Variants in SEPTIN6 observed in about 807,000 individuals in gnomAD.
SEPTIN6 encodes the protein septin 6.
Under a neutral mutation model 33.6 loss-of-function variants are expected in SEPTIN6, and 8 were observed. That is an observed-to-expected ratio of 0.24 (90% CI 0.14 to 0.43). SEPTIN6 has a LOEUF of 0.43. SEPTIN6 is among the 20% of genes least tolerant of loss of function. The pLI, the probability that SEPTIN6 is intolerant of heterozygous loss-of-function variation, is 1.00. For synonymous variants in SEPTIN6, 131 were observed against 140.0 expected (o/e 0.94, Z 0.45); for missense variants, 250 against 340.8 (o/e 0.73, Z 2.10).
chrX:119,673,757 G>A (rs761198907), intron 2 of SEPTIN6, among the ~76,000 whole-genome samples: 1 of 102,481 alleles, frequency 9.8e-6, no homozygotes, highest in Non-Finnish European at 2.0e-5. Flanking sequence ...CAGGAGAATC[G>A]CTTGAACCCG....
At chrX:119,616,784 CAAAG>C, downstream of SEPTIN6, 2 of 1,139,903 alleles carry the variant, frequency 1.8e-6, no homozygotes, top group Non-Finnish European at 2.4e-6. Flanking sequence ...TGAAATTAGC[CAAAG>C]AAAGAGGACA....
chrX:119,676,711 C>T (rs955102033), intron 1 of SEPTIN6, among the ~76,000 whole-genome samples: 1 of 111,326 alleles, frequency 9.0e-6, no homozygotes. Flanking sequence ...GTAGAGGCTG[C>T]AGTGCGCTAT....
Position 119,638,652 on chromosome X carries a change from C to T in SEPTIN6, c.788-1457G>A, listed in dbSNP as rs1176905829. 1.2e-4 allele frequency among the ~76,000 whole-genome samples: 13 copies of T among 111,541 alleles called. No individual in the cohort carries two copies. In the East Asian group the frequency reaches 3.4e-3, roughly 29 times the overall value. On this transcript the variant is annotated intron_variant, in intron 6 of 10. Transcript: ENST00000394610. ...GCTCACATAATCCCTCTGCTTAAGA[C>T]CCACTGAATTAGGAATAAAGCCCCC...
chrX:119,626,946 C>T (rs977426586), intron 9 of SEPTIN6, among the ~76,000 whole-genome samples: 1 of 111,769 alleles, frequency 8.9e-6, no homozygotes, highest in African/African-American at 3.3e-5. Flanking sequence ...GTCAGTTTCC[C>T]AAAGTGCTGG....
intron 1 of SEPTIN6, among the ~76,000 whole-genome samples, chrX:119,686,174 A>G (rs1024079433): frequency 5.2e-4 from 58 of 112,221 alleles, no homozygotes; most frequent in African/African-American, 1.8e-3. Context: ...TGAATGCCCA[A>G]CTGCCCTCTG....
At chrX:119,669,553 G>A (rs2054706461) in intron 2 of SEPTIN6, among the ~76,000 whole-genome samples, 1 of 112,156 alleles carries the variant, frequency 8.9e-6, no homozygotes, top group Admixed American at 9.5e-5. Context: ...AGGCAGTGGT[G>A]TGCTGGAGCC....
At chrX:119,634,954 A>G (rs1405066297) in intron 7 of SEPTIN6, among the ~76,000 whole-genome samples, 1 of 102,990 alleles carries the variant, frequency 9.7e-6, no homozygotes, top group Admixed American at 1.1e-4. Flanking sequence ...GATTGCAGTG[A>G]GCCGAGATTG....
At chrX:119,621,497 T>TGTG (rs1569417826) in intron 10 of SEPTIN6, among the ~76,000 whole-genome samples, 2 of 32,622 alleles carry the variant, frequency 6.1e-5, no homozygotes, top group African/African-American at 8.6e-5. Flanking sequence ...GTGTGTGTAT[T>TGTG]TTTATTTCTT....
At chrX:119,651,685 T>C (rs1483048156) in intron 4 of SEPTIN6, among the ~76,000 whole-genome samples, 1 of 111,143 alleles carries the variant, frequency 9.0e-6, no homozygotes, top group Non-Finnish European at 1.9e-5. Flanking sequence ...AATAAATAAA[T>C]AAATAAATAT....
At chrX:119,690,348 TACACACACACACACACACAC>T (rs1196119691) in intron 1 of SEPTIN6, among the ~76,000 whole-genome samples, 5 of 75,015 alleles carry the variant, frequency 6.7e-5, no homozygotes, top group Non-Finnish European at 9.4e-5. Flanking sequence ...TACATACACA[TACACACACACACACACACAC>T]ACACACACAC....
At chrX:119,684,021 C>A (rs1215170284) in intron 1 of SEPTIN6, among the ~76,000 whole-genome samples, 1 of 106,659 alleles carries the variant, frequency 9.4e-6, no homozygotes, top group Non-Finnish European at 1.9e-5. Context: ...CTCACTGCAA[C>A]CTCTCCCTCC....
intron 1 of SEPTIN6, among the ~76,000 whole-genome samples, chrX:119,689,561 A>C (rs1348444591): frequency 1.8e-5 from 2 of 111,700 alleles, no homozygotes; most frequent in Admixed American, 1.9e-4. Flanking sequence ...ATCTCGGCTC[A>C]CTGCAAGTGC....
At chrX:119,658,897 T>C (rs1166025561) in intron 3 of SEPTIN6, among the ~76,000 whole-genome samples, 1 of 112,299 alleles carries the variant, frequency 8.9e-6, no homozygotes, top group Non-Finnish European at 1.9e-5. Flanking sequence ...GTCTGTTATT[T>C]AGGCAGCAAA....
intron 10 of SEPTIN6, among the ~76,000 whole-genome samples, chrX:119,621,446 G>GGTGTGTGTGTGTGT (rs34517524): frequency 0.11 from 6,799 of 63,361 alleles, 634 homozygotes; most frequent in Middle Eastern, 0.14. Flanking sequence ...GCCCAGAGCT[G>GGTGTGTGTGTGTGT]GTGTGTGTGT....
chrX:119,674,127 T>C (rs1386411159), intron 2 of SEPTIN6, among the ~76,000 whole-genome samples: 2 of 110,629 alleles, frequency 1.8e-5, no homozygotes, highest in Non-Finnish European at 3.8e-5. Context: ...GTGAAAATTA[T>C]ATGCTATGAT....
At chrX:119,635,906 GAGA>G (rs1027663713) in intron 7 of SEPTIN6, among the ~76,000 whole-genome samples, 4 of 111,798 alleles carry the variant, frequency 3.6e-5, no homozygotes, top group African/African-American at 1.3e-4. Context: ...GGAGCTGGCA[GAGA>G]AGGAGTGAAG....
intron 3 of SEPTIN6, 34 bp downstream of exon 3, chrX:119,663,448 T>TGGGCCC: frequency 1.3e-6 from 1 of 751,156 alleles, no homozygotes; most frequent in Non-Finnish European, 2.0e-6. Flanking sequence ...TCTACCAACC[T>TGGGCCC]CCCCACCCTA....
Position 119,647,763 on chromosome X carries a change from C to T in SEPTIN6, c.690+2174G>A, listed in dbSNP as rs1213290279. Among the ~76,000 whole-genome samples the T allele has an allele frequency of 4.6e-5, 5 of 108,596 alleles. No individual in the cohort carries two copies. The Admixed American group carries it at 4.9e-4, about 11-fold the overall frequency. The allele number at this position is 108,596 out of a possible 115,157, so 94.3% of individuals were successfully genotyped here. ...CTGCCTCCTGGGTTCAAGCGATTCT[C>T]CTGCCTCAGCCTCCTGAGTAGCTGG... On this transcript the variant is annotated intron_variant, in intron 5 of 10. Transcript: ENST00000394610.
rs1240103191 is a variant in SEPTIN6 at position 119,618,060 on chromosome X, G to A, written c.*2033C>T. 16 of 803,730 alleles carry A rather than the reference G, an allele frequency of 2.0e-5. No individual in the cohort carries two copies. Among genetic ancestry groups the A allele is most frequent in the Non-Finnish European group, 2.4e-5 (16 of 670,936 alleles). 66.2% of individuals were successfully genotyped at this position (803,730 alleles called of 1,213,427 possible). A position where few individuals can be genotyped will look rare whatever the true frequency, so the allele number is the denominator to read the frequency against. ...GAATTTCTGGGAAAGCAGCTCTGAAGCTGGACATAGAATCATCAAAGTTGC... is the reference window on the plus strand; with the variant it reads ...GAATTTCTGGGAAAGCAGCTCTGAAACTGGACATAGAATCATCAAAGTTGC... On this transcript the variant is annotated 3_prime_UTR_variant, in exon 11 of 11. Transcript: ENST00000394610.
Sources: allele counts gnomAD v4.1 joint callset (sites outside exome capture counted in the v4.1 genomes callset), GRCh38; gene constraint gnomAD v4.1.1; transcripts MANE v1.5; gene names NCBI Gene and HGNC (gene_info 2026-07-23, HGNC 2026-07-21).